The following PTPRD variants were observed in gnomAD, a reference collection of about 807,000 sequenced individuals.
PTPRD encodes protein tyrosine phosphatase receptor type D.
Under a neutral mutation model 214.5 loss-of-function variants are expected in PTPRD, and 34 were observed. The observed-to-expected ratio is 0.16, with a 90% CI of 0.12 to 0.21. PTPRD has a LOEUF of 0.21. Ranked by LOEUF, PTPRD falls within the 10% of genes least tolerant of loss-of-function variation. PTPRD has a pLI of 1.00. For missense variants in PTPRD, 2,545 were observed against 2,398.7 expected (o/e 1.06, Z -1.27); for synonymous variants, 1,128 against 845.7 (o/e 1.33, Z -5.79).
At chr9:8,361,685 C>T (rs1229825838) in intron 39 of PTPRD, among the ~76,000 whole-genome samples, 1 of 152,138 alleles carries the variant, frequency 6.6e-6, no homozygotes, top group Non-Finnish European at 1.5e-5. Flanking sequence ...AATGAATTGC[C>T]ATTTAACAAA....
chr9:10,349,914 G>T (rs771304381), intron 2 of PTPRD, among the ~76,000 whole-genome samples: 2 of 152,018 alleles, frequency 1.3e-5, no homozygotes, highest in African/African-American at 2.4e-5. Flanking sequence ...GGCCCACCTC[G>T]TCCCCCAAAG....
chr9:9,803,211 T>C (rs2099052447), intron 5 of PTPRD, among the ~76,000 whole-genome samples: 2 of 151,040 alleles, frequency 1.3e-5, no homozygotes, highest in South Asian at 4.2e-4. Context: ...AAAATACTAA[T>C]GTTACTTTCA....
chr9:8,734,528 A>T (rs548056774), intron 11 of PTPRD, among the ~76,000 whole-genome samples: 1 of 152,238 alleles, frequency 6.6e-6, no homozygotes, highest in African/African-American at 2.4e-5. Flanking sequence ...GTTTGGCATC[A>T]ATAAGTCAAA....
chr9:10,074,017 A>G (rs1361563979), intron 3 of PTPRD, among the ~76,000 whole-genome samples: 1 of 152,162 alleles, frequency 6.6e-6, no homozygotes, highest in East Asian at 1.9e-4. Flanking sequence ...AAATACTGTG[A>G]TGCTTATAAT....
chr9:8,946,728 C>G (rs1296496921), intron 11 of PTPRD, among the ~76,000 whole-genome samples: 1 of 152,144 alleles, frequency 6.6e-6, no homozygotes, highest in African/African-American at 2.4e-5. Context: ...CCAGGTTGCT[C>G]TCTTTCAGGA....
intron 11 of PTPRD, among the ~76,000 whole-genome samples, chr9:9,009,202 T>C (rs2099496977): frequency 6.6e-6 from 1 of 152,140 alleles, no homozygotes; most frequent in African/African-American, 2.4e-5. Flanking sequence ...CAATGCACTT[T>C]ATATACACAG....
At chr9:8,836,927 T>C (rs994117265) in intron 11 of PTPRD, among the ~76,000 whole-genome samples, 3 of 151,544 alleles carry the variant, frequency 2.0e-5, no homozygotes, top group Non-Finnish European at 4.4e-5. Context: ...CCAAGTCCCA[T>C]CTCAAGCTAA....
At chr9:9,635,492 A>G (rs1004552717) in intron 7 of PTPRD, among the ~76,000 whole-genome samples, 3 of 152,174 alleles carry the variant, frequency 2.0e-5, no homozygotes, top group African/African-American at 7.2e-5. Context: ...TTGGTCACTC[A>G]GTTTCATTCA....
intron 7 of PTPRD, among the ~76,000 whole-genome samples, chr9:9,717,801 A>G (rs2097859816): frequency 6.6e-6 from 1 of 152,206 alleles, no homozygotes; most frequent in Non-Finnish European, 1.5e-5. Flanking sequence ...CAGACCCTCC[A>G]TTTATAAAAA....
intron 11 of PTPRD, among the ~76,000 whole-genome samples, chr9:8,974,236 G>T (rs1481992589): frequency 6.6e-6 from 1 of 151,972 alleles, no homozygotes; most frequent in Non-Finnish European, 1.5e-5. Context: ...GTAGTGAAAG[G>T]TAAAGATCTA....
intron 2 of PTPRD, among the ~76,000 whole-genome samples, chr9:10,438,856 G>C (rs2098740001): frequency 6.6e-6 from 1 of 151,696 alleles, no homozygotes; most frequent in Admixed American, 6.6e-5. Context: ...GTAGCTGTCT[G>C]CTATTTCATG....
chr9:9,038,305 G>A (rs1446923553), intron 10 of PTPRD, among the ~76,000 whole-genome samples: 1 of 152,110 alleles, frequency 6.6e-6, no homozygotes, highest in African/African-American at 2.4e-5. Flanking sequence ...AGGACAGTTT[G>A]GTCTAGGCTG....
At chr9:8,662,243 G>T (rs945911313) in intron 12 of PTPRD, among the ~76,000 whole-genome samples, 2 of 152,088 alleles carry the variant, frequency 1.3e-5, no homozygotes, top group South Asian at 4.1e-4. Flanking sequence ...ACTCTCAAAA[G>T]GAAGATCAAA....
At chr9:10,535,074 G>A (rs1049242469) in intron 2 of PTPRD, among the ~76,000 whole-genome samples, 18 of 152,100 alleles carry the variant, frequency 1.2e-4, no homozygotes, top group Non-Finnish European at 8.8e-5. Context: ...TACCAACAGT[G>A]GACTGGAGCT....
At chr9:10,525,557 G>C (rs2053985011) in intron 2 of PTPRD, among the ~76,000 whole-genome samples, 1 of 152,006 alleles carries the variant, frequency 6.6e-6, no homozygotes, top group Non-Finnish European at 1.5e-5. Flanking sequence ...GATGTTATTT[G>C]CTTCTTGCTT....
At position 8,640,575 on chromosome 9, in the gene PTPRD, A is replaced by C. The variant is rs1419861649; in HGVS notation, c.65-3731T>G. Among the ~76,000 whole-genome samples the C allele has an allele frequency of 1.5e-4, 23 of 148,918 alleles. No homozygotes were observed. The East Asian group carries it at 3.5e-3, about 23-fold the overall frequency. ...AAACAAAAAAACAAAAAAAAAAAAA[A>C]CAAAAAAACCTAAAAGGGCTCTTAA... On this transcript the variant is annotated intron_variant, in intron 12 of 45. Coordinates refer to ENST00000381196, the MANE Select transcript of PTPRD (RefSeq NM_002839.4).
chr9:10,097,175 G>A (rs1437934807), intron 3 of PTPRD, among the ~76,000 whole-genome samples: 1 of 144,662 alleles, frequency 6.9e-6, no homozygotes, highest in Non-Finnish European at 1.5e-5. Context: ...GTAACAGGAT[G>A]CCTCCAGCTT....
chr9:10,278,833 A>G (rs12005178), intron 3 of PTPRD, among the ~76,000 whole-genome samples: 22,922 of 151,396 alleles, frequency 0.15, 1,797 homozygotes, highest in African/African-American at 0.19. Context: ...GGAGTGCAGT[A>G]GCGCGATCTC....
At chr9:9,460,557 G>C (rs1329152835) in intron 8 of PTPRD, among the ~76,000 whole-genome samples, 1 of 151,948 alleles carries the variant, frequency 6.6e-6, no homozygotes, top group African/African-American at 2.4e-5. Flanking sequence ...ACATAAAAAT[G>C]GCAGCAAACA....
Sources: allele counts gnomAD v4.1 joint callset (sites outside exome capture counted in the v4.1 genomes callset), GRCh38; gene constraint gnomAD v4.1.1; transcripts MANE v1.5; gene names NCBI Gene and HGNC (gene_info 2026-07-23, HGNC 2026-07-21).